Variants in ZKSCAN1 observed in about 807,000 individuals in gnomAD.
ZKSCAN1 encodes zinc finger protein with KRAB and SCAN domains 1.
A neutral mutation model predicts 51.6 loss-of-function variants in ZKSCAN1; 14 were observed. That is an observed-to-expected ratio of 0.27 (90% CI 0.18 to 0.42). The LOEUF (loss-of-function observed/expected upper bound fraction) is 0.42. Ranked by LOEUF, ZKSCAN1 falls within the 10% of genes least tolerant of loss-of-function variation. ZKSCAN1 has a pLI of 1.00. For synonymous variants in ZKSCAN1, 263 were observed against 261.5 expected, an observed-to-expected ratio of 1.01 and a Z score of -0.06; for missense variants, 531 against 710.0, an observed-to-expected ratio of 0.75 and a Z score of 2.86.
chr7:100,033,115 T>C lies in ZKSCAN1; in HGVS notation c.800-190T>C, dbSNP rs1339981098. On this transcript the variant is annotated intron_variant, in intron 5 of 5. Transcript: ENST00000324306. This position sits in a 1 kb window ranked among gnomAD's most constrained non-coding sequence, Gnocchi z 4.1. Reference sequence around the variant, plus strand: ...TGAACCTGGGAGGCGGAGGTTGCAGTGAACTGAGATCACGTCACTGCACTC... The same window carrying C: ...TGAACCTGGGAGGCGGAGGTTGCAGCGAACTGAGATCACGTCACTGCACTC... 6.6e-6 allele frequency among the ~76,000 whole-genome samples: 1 copy of C among 151,930 alleles called. No individual in the cohort carries two copies. The highest frequency in any genetic ancestry group is 1.5e-5 in the Non-Finnish European group (1 of 67,998).
At chr7:100,022,370 T>C (rs1262052223) in intron 1 of ZKSCAN1, among the ~76,000 whole-genome samples, 2 of 152,246 alleles carry the variant, frequency 1.3e-5, no homozygotes, top group Non-Finnish European at 2.9e-5. Context: ...GATTTAGAAA[T>C]CCATTATTTC....
At chr7:100,019,393 A>T (rs1456099150) in intron 1 of ZKSCAN1, 1 of 151,906 alleles carries the variant, frequency 6.6e-6, no homozygotes, top group Non-Finnish European at 1.5e-5. Context: ...TTTAGTAGAG[A>T]CGGGGTTTCG....
rs1460511429 is a variant in ZKSCAN1, at chr7:100,035,824, T to C, written c.*1627T>C. On this transcript the variant is annotated 3_prime_UTR_variant, in exon 6 of 6. Transcript: ENST00000324306. ...GTGCAACTGGCTACCTAGAAGCTGA[T>C]GGCAGGAGACTGTTTCACACACAGG... 1.0e-6 allele frequency: 1 copy of C among 985,278 alleles called. No homozygotes were observed. The highest frequency in any genetic ancestry group is 1.7e-5 in the African/African-American group (1 of 57,214). The allele number at this position is 985,278 out of a possible 1,614,324, so 61.0% of individuals were successfully genotyped here.
chr7:100,017,564 G>A (rs1790421033), intron 1 of ZKSCAN1, among the ~76,000 whole-genome samples: 1 of 152,204 alleles, frequency 6.6e-6, no homozygotes, highest in Non-Finnish European at 1.5e-5. Context: ...GAAAAATACT[G>A]GGCTGTTTGG....
In ZKSCAN1 at chr7:100,039,385, T is replaced by A; in HGVS notation, c.*5188T>A. The A allele has an allele frequency of 1.0e-6, 1 of 985,212 alleles. No individual in the cohort carries two copies. The highest frequency in any genetic ancestry group is 1.2e-6 in the Non-Finnish European group (1 of 829,894). The allele number at this position is 985,212 out of a possible 1,614,324, so 61.0% of individuals were successfully genotyped here. On this transcript the variant is annotated 3_prime_UTR_variant, in exon 6 of 6. Coordinates refer to ENST00000324306, the MANE Select transcript of ZKSCAN1 (RefSeq NM_003439.4). The stretch of plus-strand genomic sequence containing the variant: ...CAGCAAGGTGGGCATTTCCCGGAAT[T>A]GTGTGCAGATGCATCCAGTCGTGGC...
intron 1 of ZKSCAN1, among the ~76,000 whole-genome samples, chr7:100,017,182 A>C (rs1323863975): frequency 6.9e-6 from 1 of 144,104 alleles, no homozygotes; most frequent in Non-Finnish European, 1.5e-5. Flanking sequence ...ATTGCTCTTT[A>C]AAAAAATGAG....
At chr7:100,032,973 A>G (rs936987829) in intron 5 of ZKSCAN1, among the ~76,000 whole-genome samples, 1 of 148,096 alleles carries the variant, frequency 6.8e-6, no homozygotes, top group African/African-American at 2.5e-5. Context: ...ACGCCATTGC[A>G]CTCCAGCCTG....
At chr7:100,042,979 T>C (rs567114740), downstream of ZKSCAN1, among the ~76,000 whole-genome samples, 1 of 152,096 alleles carries the variant, frequency 6.6e-6, no homozygotes, top group African/African-American at 2.4e-5. Flanking sequence ...TTTTGTATGT[T>C]TTAGTAGAGA....
rs1791185990 is a variant in ZKSCAN1 at position 100,033,165 on chromosome 7, C to CTT, written c.800-139_800-138insTT. On this transcript the variant is annotated intron_variant, in intron 5 of 5. Transcript: ENST00000324306. The surrounding 1 kb of genome is among the most constrained non-coding windows in gnomAD (Gnocchi z 4.1). ...CCAGCCTGGGCGACAGAGCGAGACT[C>CTT]TGTCTCAAAGGAAATAAAAATAAAA... 1 of 1,390,060 alleles carries CTT rather than the reference C, an allele frequency of 7.2e-7. No homozygotes were observed. Among genetic ancestry groups the CTT allele is most frequent in the South Asian group, 1.6e-5 (1 of 63,662 alleles). The allele number at this position is 1,390,060 out of a possible 1,614,324, so 86.1% of individuals were successfully genotyped here.
At chr7:100,025,798 T>C (rs570870809) in intron 3 of ZKSCAN1, among the ~76,000 whole-genome samples, 1 of 152,260 alleles carries the variant, frequency 6.6e-6, no homozygotes, top group East Asian at 1.9e-4. Context: ...GTATAAAAGA[T>C]TTTTAGCCCA....
downstream of ZKSCAN1, among the ~76,000 whole-genome samples, chr7:100,043,537 A>AT (rs1397013556): frequency 4.7e-5 from 7 of 147,568 alleles, no homozygotes; most frequent in African/African-American, 1.0e-4. Context: ...CTACGCCTAG[A>AT]TTTTTTTTTA....
intron 1 of ZKSCAN1, among the ~76,000 whole-genome samples, chr7:100,016,142 C>T (rs1028842949): frequency 6.6e-6 from 1 of 152,276 alleles, no homozygotes; most frequent in Non-Finnish European, 1.5e-5. Context: ...TTTCCCCCCC[C>T]GGTTCCTTCG....
chr7:100,029,890 C>A lies in ZKSCAN1; in HGVS notation c.610C>A (p.Pro204Thr). Residue 204 changes from proline (P) to threonine (T), a missense_variant, in exon 4 of 6, where the codon CCT (proline) becomes ACT (threonine). Transcript: ENST00000324306. ...ALPAAHIPAP[P>T]HEGSPRDQAM... ...TCCTGCTGCCCACATTCCTGCACCCCCTCATGAGGGTAGTCCCAGAGACCA... is the reference window on the plus strand; with the variant it reads ...TCCTGCTGCCCACATTCCTGCACCCACTCATGAGGGTAGTCCCAGAGACCA... The A allele has an allele frequency of 6.2e-7, 1 of 1,614,194 alleles. No individual in the cohort carries two copies. Among genetic ancestry groups the A allele is most frequent in the Non-Finnish European group, 8.5e-7 (1 of 1,180,032 alleles).
At chr7:100,028,011 T>C (rs1488640122) in intron 3 of ZKSCAN1, among the ~76,000 whole-genome samples, 2 of 152,154 alleles carry the variant, frequency 1.3e-5, no homozygotes, top group African/African-American at 2.4e-5. Flanking sequence ...CAATTTCCTC[T>C]TTCTTATTTG....
chr7:100,037,897 G>A lies in ZKSCAN1; in HGVS notation c.*3700G>A. On this transcript the variant is annotated 3_prime_UTR_variant, in exon 6 of 6. Transcript: ENST00000324306. ...TAGCTGGGCACAGTGGCGCACGCCT[G>A]TAGTCCCAGCTACTCGGGAGGCTGA... is the stretch of plus-strand genomic sequence containing the variant. 1.5e-6 allele frequency: 1 copy of A among 670,732 alleles called. No individual in the cohort carries two copies. The highest frequency in any genetic ancestry group is 1.8e-6 in the Non-Finnish European group (1 of 543,258). 41.5% of individuals were successfully genotyped at this position (670,732 alleles called of 1,614,324 possible).
rs1431660192 is a variant in ZKSCAN1, at chr7:100,033,100, A to G, written c.800-205A>G. On this transcript the variant is annotated intron_variant, in intron 5 of 5. Transcript: ENST00000324306. This position sits in a 1 kb window ranked among gnomAD's most constrained non-coding sequence, Gnocchi z 4.1. ...GGCAGGAGAATCACTTGAACCTGGGAGGCGGAGGTTGCAGTGAACTGAGAT... is the reference window on the plus strand; with the variant it reads ...GGCAGGAGAATCACTTGAACCTGGGGGGCGGAGGTTGCAGTGAACTGAGAT... 6.6e-6 allele frequency among the ~76,000 whole-genome samples: 1 copy of G among 152,038 alleles called. No homozygotes were observed. Among genetic ancestry groups the G allele is most frequent in the Non-Finnish European group, 1.5e-5 (1 of 68,008 alleles).
At position 100,037,108 on chromosome 7, in the gene ZKSCAN1, G is replaced by C. The variant is rs1294891421; in HGVS notation, c.*2911G>C. The C allele has an allele frequency of 1.0e-6, 1 of 985,308 alleles. No individual in the cohort carries two copies. The highest frequency in any genetic ancestry group is 1.1e-4 in the East Asian group (1 of 8,824). 61.0% of individuals were successfully genotyped at this position (985,308 alleles called of 1,614,324 possible). A position where few individuals can be genotyped will look rare whatever the true frequency, so the allele number is the denominator to read the frequency against. ...CCACTTGCAGTGCATTCGTTTATCA[G>C]ATGCTCAGTGCAAAGTGTAATTGGG... On this transcript the variant is annotated 3_prime_UTR_variant, in exon 6 of 6. Transcript: ENST00000324306.
Position 100,039,153 on chromosome 7 carries a change from A to G in ZKSCAN1, c.*4956A>G. ...GTGGTGAAAGCCTGTCTCTACTAAA[A>G]ATACAAAAATTAGCCGGGCGTGGTG... On this transcript the variant is annotated 3_prime_UTR_variant, in exon 6 of 6. Coordinates refer to ENST00000324306, the MANE Select transcript of ZKSCAN1 (RefSeq NM_003439.4). 4.7e-6 allele frequency: 1 copy of G among 211,650 alleles called. No individual in the cohort carries two copies. 13.1% of individuals were successfully genotyped at this position (211,650 alleles called of 1,614,324 possible).
chr7:100,031,424 T>A (rs1390497440), intron 5 of ZKSCAN1, among the ~76,000 whole-genome samples: 1 of 151,884 alleles, frequency 6.6e-6, no homozygotes, highest in Non-Finnish European at 1.5e-5. Context: ...ACTACAGGCA[T>A]GCATCACCAT....
Sources: gnomAD v4.1 joint callset for allele counts (sites outside exome capture counted in the v4.1 genomes callset) on GRCh38, gnomAD v4.1.1 for gene constraint, Gnocchi (gnomAD v3.1) non-coding constraint, MANE v1.5 for transcripts, NCBI Gene and HGNC (gene_info 2026-07-23, HGNC 2026-07-21) for gene names.